CHCHD6: variants seen among roughly 807,000 people sequenced by gnomAD.
CHCHD6 encodes MICOS complex subunit MIC25.
CHCHD6 carries 28 observed loss-of-function variants against 32.3 expected under a neutral mutation model. That is an observed-to-expected ratio of 0.87 (90% CI 0.64 to 1.19). The LOEUF (loss-of-function observed/expected upper bound fraction) is 1.19, where lower values mean the gene tolerates loss of function less well. Ranked by LOEUF, CHCHD6 falls within the 50% of genes most tolerant of loss-of-function variation. CHCHD6 has a pLI of 0.00. For missense variants in CHCHD6, 333 were observed against 307.0 expected, an observed-to-expected ratio of 1.08 and a Z score of -0.63; for synonymous variants, 122 against 117.5, an observed-to-expected ratio of 1.04 and a Z score of -0.25.
intron 4 of CHCHD6, among the ~76,000 whole-genome samples, chr3:126,821,422 C>T (rs768027410): frequency 2.6e-5 from 4 of 152,100 alleles, no homozygotes; most frequent in East Asian, 1.9e-4. Context: ...CTGAGCCTCC[C>T]GAGTAGCTGG....
At chr3:126,793,109 T>A (rs1938628935) in intron 4 of CHCHD6, among the ~76,000 whole-genome samples, 1 of 152,204 alleles carries the variant, frequency 6.6e-6, no homozygotes, top group Admixed American at 6.5e-5. Context: ...CATACTTTAT[T>A]CTACCTACAT....
intron 4 of CHCHD6, among the ~76,000 whole-genome samples, chr3:126,841,217 C>G (rs1028108368): frequency 6.6e-6 from 1 of 152,202 alleles, no homozygotes; most frequent in Admixed American, 6.5e-5. Flanking sequence ...CTACAAAGGA[C>G]ATGAACTCAT....
chr3:126,803,977 G>A (rs888904826), intron 4 of CHCHD6, among the ~76,000 whole-genome samples: 14 of 152,172 alleles, frequency 9.2e-5, no homozygotes, highest in African/African-American at 3.4e-4. Context: ...GATACATAAC[G>A]AAATGAAGGC....
chr3:126,816,779 T>C (rs567555079), intron 4 of CHCHD6, among the ~76,000 whole-genome samples: 3 of 152,278 alleles, frequency 2.0e-5, no homozygotes, highest in South Asian at 4.1e-4. Flanking sequence ...TTGTTACATA[T>C]GTATACATGT....
chr3:126,809,684 A>C (rs1939571921), intron 4 of CHCHD6, among the ~76,000 whole-genome samples: 1 of 152,214 alleles, frequency 6.6e-6, no homozygotes, highest in African/African-American at 2.4e-5. Context: ...TGTGCCACAG[A>C]GGGCTTTATT....
intron 4 of CHCHD6, among the ~76,000 whole-genome samples, chr3:126,791,477 C>G (rs1358807063): frequency 2.0e-5 from 3 of 152,362 alleles, no homozygotes; most frequent in South Asian, 4.1e-4. Flanking sequence ...CCACCCAGTT[C>G]GACCTTCCTG....
At chr3:126,904,213 C>T (rs929556478) in intron 5 of CHCHD6, among the ~76,000 whole-genome samples, 13 of 152,190 alleles carry the variant, frequency 8.5e-5, no homozygotes, top group African/African-American at 3.1e-4. Context: ...GTTAGCCCCT[C>T]CTCTTACAAA....
At chr3:126,845,823 A>C (rs149751971) in intron 4 of CHCHD6, among the ~76,000 whole-genome samples, 366 of 152,310 alleles carry the variant, frequency 2.4e-3, no homozygotes, top group African/African-American at 8.4e-3. Flanking sequence ...GGTGTCAGTG[A>C]AACTGGTAGA....
intron 5 of CHCHD6, among the ~76,000 whole-genome samples, chr3:126,905,659 T>A (rs374826700): frequency 3.4e-4 from 51 of 151,682 alleles, no homozygotes; most frequent in African/African-American, 1.2e-3. Context: ...GTGGCCAGGA[T>A]GGGGGGTGTG....
At chr3:126,739,480 G>A (rs1936197791) in intron 4 of CHCHD6, among the ~76,000 whole-genome samples, 1 of 152,218 alleles carries the variant, frequency 6.6e-6, no homozygotes, top group Admixed American at 6.5e-5. Flanking sequence ...CAGCTCCAGA[G>A]ATTTTAACTT....
At chr3:126,834,831 G>T (rs1940789221) in intron 4 of CHCHD6, among the ~76,000 whole-genome samples, 1 of 152,140 alleles carries the variant, frequency 6.6e-6, no homozygotes. Flanking sequence ...AGGAAGCGTT[G>T]GCTGGGTCCT....
At chr3:126,803,259 C>T (rs1269075307) in intron 4 of CHCHD6, among the ~76,000 whole-genome samples, 2 of 152,020 alleles carry the variant, frequency 1.3e-5, no homozygotes, top group African/African-American at 4.8e-5. Flanking sequence ...AATTAAAAGA[C>T]AGAGAGTGGC....
intron 4 of CHCHD6, among the ~76,000 whole-genome samples, chr3:126,802,836 G>T (rs1224147082): frequency 5.3e-5 from 8 of 152,214 alleles, no homozygotes; most frequent in Non-Finnish European, 1.2e-4. Flanking sequence ...TACCCACAAA[G>T]GGAAGCCCAT....
At chr3:126,736,341 C>A (rs1936042476) in intron 4 of CHCHD6, among the ~76,000 whole-genome samples, 1 of 152,092 alleles carries the variant, frequency 6.6e-6, no homozygotes, top group African/African-American at 2.4e-5. Context: ...GAGGGTTGGT[C>A]CTGAGATGGA....
intron 4 of CHCHD6, among the ~76,000 whole-genome samples, chr3:126,762,184 G>T (rs1937185006): frequency 6.6e-6 from 1 of 151,620 alleles, no homozygotes; most frequent in Non-Finnish European, 1.5e-5. Context: ...CCTTCCTTTT[G>T]CCAGCTTTGG....
chr3:126,782,673 A>G (rs1192823579), intron 4 of CHCHD6, among the ~76,000 whole-genome samples: 1 of 152,194 alleles, frequency 6.6e-6, no homozygotes, highest in Non-Finnish European at 1.5e-5. Context: ...ACACCACTCT[A>G]GAATGAATCA....
At chr3:126,880,839 A>G (rs1175165020) in intron 5 of CHCHD6, among the ~76,000 whole-genome samples, 2 of 152,238 alleles carry the variant, frequency 1.3e-5, no homozygotes, top group Non-Finnish European at 2.9e-5. Flanking sequence ...GTCATGAAAC[A>G]AGAAATAGTG....
At chr3:126,788,225 GC>G (rs1161488654) in intron 4 of CHCHD6, among the ~76,000 whole-genome samples, 1 of 152,158 alleles carries the variant, frequency 6.6e-6, no homozygotes, top group Non-Finnish European at 1.5e-5. Flanking sequence ...GATTTCGTTT[GC>G]CAGTATTTTA....
At chr3:126,944,877 T>G (rs13074200) in intron 6 of CHCHD6, among the ~76,000 whole-genome samples, 87,414 of 152,060 alleles carry the variant, frequency 0.57, 26,597 homozygotes, top group Non-Finnish European at 0.68. Flanking sequence ...CAGGACTGGG[T>G]CCTAGAGGGG....
Sources: allele counts gnomAD v4.1 joint callset (sites outside exome capture counted in the v4.1 genomes callset), GRCh38; gene constraint gnomAD v4.1.1; transcripts MANE v1.5; gene names NCBI Gene and HGNC (gene_info 2026-07-23, HGNC 2026-07-21).